The following FRMD4A variants were observed in gnomAD, a reference collection of about 807,000 sequenced individuals.
FRMD4A encodes the protein FERM domain containing 4A.
Under a neutral mutation model 129.1 loss-of-function variants are expected in FRMD4A, and 29 were observed. The observed-to-expected ratio is 0.22, with a 90% confidence interval of 0.17 to 0.31. The LOEUF is 0.31. Ranked by LOEUF, FRMD4A falls within the 10% of genes least tolerant of loss-of-function variation. The probability of loss-of-function intolerance (pLI) is 1.00; values close to 1 mark genes in which losing one functional copy is unlikely to be tolerated. For synonymous variants in FRMD4A, 634 were observed against 571.6 expected, an observed-to-expected ratio of 1.11 and a Z score of -1.56; for missense variants, 1,272 against 1,375.8, an observed-to-expected ratio of 0.92 and a Z score of 1.19.
At chr10:14,177,660 T>C (rs555430879) in intron 2 of FRMD4A, among the ~76,000 whole-genome samples, 2 of 152,346 alleles carry the variant, frequency 1.3e-5, no homozygotes, top group South Asian at 4.1e-4. Context: ...AAAATTCGAC[T>C]GATTGCATGT....
intron 4 of FRMD4A, among the ~76,000 whole-genome samples, chr10:13,810,081 G>C (rs947769608): frequency 2.0e-5 from 3 of 151,408 alleles, no homozygotes; most frequent in Non-Finnish European, 4.4e-5. Context: ...GGAAGACAGA[G>C]AGAGAGAGAG....
intron 15 of FRMD4A, chr10:13,685,723 G>C (rs1269630090): frequency 1.3e-6 from 1 of 758,076 alleles, no homozygotes; most frequent in Non-Finnish European, 1.6e-6. Context: ...CAGGAGGATC[G>C]CTTAAGCCCA....
At chr10:13,853,771 G>A (rs1311906377) in intron 3 of FRMD4A, among the ~76,000 whole-genome samples, 1 of 144,086 alleles carries the variant, frequency 6.9e-6, no homozygotes, top group African/African-American at 2.6e-5. Context: ...AGTGGAGGTT[G>A]CAGTGAGCCA....
At chr10:13,747,654 G>A in intron 9 of FRMD4A, 82 bp downstream of exon 9, 3 of 746,590 alleles carry the variant, frequency 4.0e-6, no homozygotes. Flanking sequence ...GGAGCTGGTG[G>A]AGGGAGGGTA....
chr10:14,060,305 C>T (rs1040427842), intron 2 of FRMD4A, among the ~76,000 whole-genome samples: 1 of 152,174 alleles, frequency 6.6e-6, no homozygotes. Context: ...TTCTTTGCTT[C>T]TTACACAACC....
chr10:13,843,922 C>T (rs1043606469), intron 3 of FRMD4A, among the ~76,000 whole-genome samples: 22 of 152,308 alleles, frequency 1.4e-4, no homozygotes, highest in African/African-American at 4.6e-4. Context: ...GAACTTACCT[C>T]GAATTAACTG....
chr10:14,030,507 G>T (rs1232344135), intron 2 of FRMD4A, among the ~76,000 whole-genome samples: 1 of 152,186 alleles, frequency 6.6e-6, no homozygotes, highest in Non-Finnish European at 1.5e-5. Flanking sequence ...TGTCTATCAA[G>T]CTTCTGCCTT....
intron 12 of FRMD4A, among the ~76,000 whole-genome samples, chr10:13,730,017 T>A (rs535448574): frequency 6.6e-6 from 1 of 152,234 alleles, no homozygotes; most frequent in Non-Finnish European, 1.5e-5. Context: ...ACTCTTAGTG[T>A]CCTTTTGGAA....
At position 13,666,162 on chromosome 10, in the gene FRMD4A, G is replaced by A. The variant is rs1383610123; in HGVS notation, c.1538C>T (p.Ala513Val). 4.3e-6 allele frequency: 7 copies of A among 1,613,266 alleles called. No homozygotes were observed. Among genetic ancestry groups the A allele is most frequent in the Non-Finnish European group, 5.9e-6 (7 of 1,179,310 alleles). The change falls in exon 18 of 25, where the codon GCA (alanine) becomes GTA (valine). Residue 513 changes from alanine to valine, a missense_variant. Coordinates refer to ENST00000357447, the MANE Select transcript of FRMD4A (RefSeq NM_018027.5). Reference sequence around the variant, plus strand: ...AGACTTGATGCGGTTCTCATTGATTGCATTTTCAATCTCCTGCAGTTTCTT... The same window carrying A: ...AGACTTGATGCGGTTCTCATTGATTACATTTTCAATCTCCTGCAGTTTCTT... ...ALKKLQEIEN[A>V]INENRIKSGK...
At chr10:13,653,253 C>G (rs1195214616) in intron 23 of FRMD4A, 1 of 152,222 alleles carries the variant, frequency 6.6e-6, no homozygotes, top group Non-Finnish European at 1.5e-5. Flanking sequence ...CGACCAGGTG[C>G]CTGTAATCCT....
intron 2 of FRMD4A, among the ~76,000 whole-genome samples, chr10:13,902,458 A>AGAGG (rs1554963866): frequency 6.8e-6 from 1 of 146,566 alleles, no homozygotes; most frequent in African/African-American, 2.6e-5. Context: ...AAAATACTGG[A>AGAGG]GAGAGAGAGA....
At chr10:13,666,072 T>C (rs762952686) in intron 18 of FRMD4A, 25 bp downstream of exon 18, 2 of 1,445,366 alleles carry the variant, frequency 1.4e-6, no homozygotes, top group Non-Finnish European at 1.9e-6. Flanking sequence ...GGGAGTGGGG[T>C]GGGGGCAGCC....
intron 2 of FRMD4A, among the ~76,000 whole-genome samples, chr10:14,250,236 CAGGT>C (rs1164081232): frequency 2.0e-5 from 3 of 152,216 alleles, no homozygotes; most frequent in African/African-American, 7.2e-5. Flanking sequence ...GCTGGGATTA[CAGGT>C]GTAAGCCACT....
At chr10:13,815,188 G>A (rs2093521359) in intron 3 of FRMD4A, among the ~76,000 whole-genome samples, 1 of 152,148 alleles carries the variant, frequency 6.6e-6, no homozygotes, top group South Asian at 2.1e-4. Flanking sequence ...GCCAAGCTGG[G>A]ATTCAAAACA....
At chr10:13,930,072 A>G (rs2095176084) in intron 2 of FRMD4A, among the ~76,000 whole-genome samples, 1 of 152,204 alleles carries the variant, frequency 6.6e-6, no homozygotes, top group Admixed American at 6.5e-5. Flanking sequence ...AAAAAAATAC[A>G]TTTAATTTCC....
intron 2 of FRMD4A, among the ~76,000 whole-genome samples, chr10:14,104,802 G>A (rs970022718): frequency 1.3e-5 from 2 of 152,360 alleles, no homozygotes; most frequent in African/African-American, 4.8e-5. Flanking sequence ...ACTGTGTGTG[G>A]TTCTCCCATC....
At chr10:13,820,543 CAAA>C (rs112274045) in intron 3 of FRMD4A, among the ~76,000 whole-genome samples, 288 of 136,148 alleles carry the variant, frequency 2.1e-3, no homozygotes, top group African/African-American at 6.9e-3. Flanking sequence ...AATTGTATCT[CAAA>C]AAAAAAAAAA....
At chr10:13,942,822 A>ACTCAGGAGGCTGAGTAGGAGC (rs1358765661) in intron 2 of FRMD4A, among the ~76,000 whole-genome samples, 2 of 151,934 alleles carry the variant, frequency 1.3e-5, no homozygotes, top group Non-Finnish European at 2.9e-5. Flanking sequence ...AGTCCCAGCT[A>ACTCAGGAGGCTGAGTAGGAGC]CTCAGGAGGC....
At chr10:13,968,462 A>G (rs2095498458) in intron 2 of FRMD4A, among the ~76,000 whole-genome samples, 2 of 152,058 alleles carry the variant, frequency 1.3e-5, no homozygotes, top group African/African-American at 2.4e-5. Context: ...CGCTTATTTT[A>G]TTTTTTTGAG....
Sources: allele counts gnomAD v4.1 joint callset (sites outside exome capture counted in the v4.1 genomes callset), GRCh38; gene constraint gnomAD v4.1.1; transcripts MANE v1.5; gene names NCBI Gene and HGNC (gene_info 2026-07-23, HGNC 2026-07-21).